SLC4A7: variants seen among roughly 807,000 people sequenced by gnomAD.
The protein encoded by SLC4A7 is solute carrier family 4 member 7.
In SLC4A7, 51 loss-of-function variants were observed where a neutral mutation model predicts 137.6. The ratio of observed to expected loss-of-function variants is 0.37; its 90% CI spans 0.30 to 0.47. SLC4A7 has a LOEUF of 0.47. Among genes scored for constraint, SLC4A7 ranks in the 20% least tolerant of loss-of-function variants. The probability of loss-of-function intolerance (pLI) is 1.00; values close to 1 mark genes in which losing one functional copy is unlikely to be tolerated. For synonymous variants in SLC4A7, 542 were observed against 518.6 expected (o/e 1.05, Z -0.61); for missense variants, 1,247 against 1,525.4 (o/e 0.82, Z 3.04).
chr3:27,380,255 C>T (rs1036038337), intron 24 of SLC4A7, among the ~76,000 whole-genome samples: 5 of 148,342 alleles, frequency 3.4e-5, no homozygotes, highest in Non-Finnish European at 4.4e-5. Context: ...TGTAGTGAGT[C>T]GAGATTGCAC....
At chr3:27,455,629 A>G (rs1576580025) in intron 1 of SLC4A7, among the ~76,000 whole-genome samples, 1 of 135,498 alleles carries the variant, frequency 7.4e-6, no homozygotes, top group Non-Finnish European at 1.5e-5. Flanking sequence ...GCTGGAGTGC[A>G]GTCTTTGGGA....
At chr3:27,483,920 C>T (rs1243638659) in intron 1 of SLC4A7, 147 bp downstream of exon 1, 3 of 372,100 alleles carry the variant, frequency 8.1e-6, no homozygotes, top group Non-Finnish European at 1.2e-5. Flanking sequence ...AAGGGGATGG[C>T]GAGGCGCGCC....
intron 1 of SLC4A7, among the ~76,000 whole-genome samples, chr3:27,461,895 G>C (rs970116300): frequency 6.6e-6 from 1 of 151,986 alleles, no homozygotes; most frequent in Non-Finnish European, 1.5e-5. Flanking sequence ...CTGGGAGGCA[G>C]AGACTGTAGT....
At chr3:27,405,130 T>A (rs1357038666) in intron 13 of SLC4A7, among the ~76,000 whole-genome samples, 167 bp from the exon 14 acceptor site, 1 of 152,170 alleles carries the variant, frequency 6.6e-6, no homozygotes, top group Non-Finnish European at 1.5e-5. Flanking sequence ...ACAAATACAT[T>A]TTAAATACAC....
chr3:27,373,906 C>T lies in SLC4A7; in HGVS notation c.*2858G>A, dbSNP rs1319356371. 3 of 152,474 alleles carry T rather than the reference C, an allele frequency of 2.0e-5. No individual in the cohort carries two copies. Among genetic ancestry groups the T allele is most frequent in the Non-Finnish European group, 4.4e-5 (3 of 67,916 alleles). 9.4% of individuals were successfully genotyped at this position (152,474 alleles called of 1,614,324 possible). Reference sequence around the variant, plus strand: ...CTTGGCAAATATGAACAATGGGATGCCACAGCTTTTTAAAACAACTTTTAA... The same window carrying T: ...CTTGGCAAATATGAACAATGGGATGTCACAGCTTTTTAAAACAACTTTTAA... On this transcript the variant is annotated 3_prime_UTR_variant, in exon 26 of 26. Transcript: ENST00000454389.
At chr3:27,381,580 G>A (rs971551388) in intron 24 of SLC4A7, among the ~76,000 whole-genome samples, 1 of 152,008 alleles carries the variant, frequency 6.6e-6, no homozygotes, top group East Asian at 1.9e-4. Flanking sequence ...AAAACGTATA[G>A]AGCAAAATTA....
chr3:27,415,065 T>C (rs2054254282), intron 11 of SLC4A7, among the ~76,000 whole-genome samples: 3 of 152,214 alleles, frequency 2.0e-5, no homozygotes. Context: ...ATTAATAATC[T>C]TTTCTACATA....
chr3:27,476,982 C>T (rs1435561964), intron 1 of SLC4A7, among the ~76,000 whole-genome samples: 1 of 152,198 alleles, frequency 6.6e-6, no homozygotes, highest in Non-Finnish European at 1.5e-5. Context: ...TATCCCCAGC[C>T]ATCAGGGAAT....
intron 7 of SLC4A7, among the ~76,000 whole-genome samples, chr3:27,430,866 T>C (rs2056202204): frequency 1.3e-5 from 2 of 152,008 alleles, no homozygotes; most frequent in Non-Finnish European, 2.9e-5. Flanking sequence ...ATAAAATAAG[T>C]TCATGGCAAA....
chr3:27,473,012 G>A (rs375796073), intron 1 of SLC4A7, among the ~76,000 whole-genome samples: 2 of 152,006 alleles, frequency 1.3e-5, no homozygotes, highest in South Asian at 2.1e-4. Context: ...TCTGGGAGTC[G>A]GAGGTTGCAG....
chr3:27,401,086 G>A (rs1331473190), intron 15 of SLC4A7: 1 of 368,540 alleles, frequency 2.7e-6, no homozygotes. Context: ...AAAACGTTTA[G>A]TTAATGAAGC....
chr3:27,452,992 A>C (rs972441044), intron 1 of SLC4A7, among the ~76,000 whole-genome samples: 4 of 152,214 alleles, frequency 2.6e-5, no homozygotes, highest in African/African-American at 9.6e-5. Flanking sequence ...ATTAATCAAG[A>C]GCTAACAAAA....
At chr3:27,480,604 A>G (rs1179217309) in intron 1 of SLC4A7, among the ~76,000 whole-genome samples, 1 of 152,060 alleles carries the variant, frequency 6.6e-6, no homozygotes, top group African/African-American at 2.4e-5. Flanking sequence ...TACTTAGAAT[A>G]AGGCAAAAGG....
intron 1 of SLC4A7, among the ~76,000 whole-genome samples, chr3:27,473,162 G>A (rs2059324124): frequency 6.6e-6 from 1 of 151,988 alleles, no homozygotes; most frequent in African/African-American, 2.4e-5. Context: ...GGCATGGTGT[G>A]TGTGTACGCA....
chr3:27,476,037 G>A (rs964749469), intron 1 of SLC4A7, among the ~76,000 whole-genome samples: 2 of 152,026 alleles, frequency 1.3e-5, no homozygotes, highest in African/African-American at 2.4e-5. Flanking sequence ...TACATATAAC[G>A]GCTGACATCT....
chr3:27,450,444 T>C (rs2057994553), intron 2 of SLC4A7, among the ~76,000 whole-genome samples: 1 of 152,114 alleles, frequency 6.6e-6, no homozygotes, highest in Non-Finnish European at 1.5e-5. Flanking sequence ...GTGAATCTCA[T>C]TTAAAAAGTA....
At chr3:27,396,465 CATTT>C (rs1245481602) in intron 18 of SLC4A7, among the ~76,000 whole-genome samples, 1 of 152,010 alleles carries the variant, frequency 6.6e-6, no homozygotes, top group Non-Finnish European at 1.5e-5. Flanking sequence ...TTCATAGTTT[CATTT>C]ATTTATATAT....
chr3:27,392,669 A>G (rs73149789), intron 20 of SLC4A7, among the ~76,000 whole-genome samples: 2,510 of 151,962 alleles, frequency 0.017, 79 homozygotes, highest in African/African-American at 0.058. Context: ...TCTACCAAAA[A>G]CACAAAAATT....
intron 3 of SLC4A7, among the ~76,000 whole-genome samples, chr3:27,445,949 AAAAAAAAAAAAAAAAT>A (rs1323434370): frequency 5.0e-3 from 237 of 47,208 alleles, no homozygotes; most frequent in Admixed American, 0.02. Context: ...AAAAAAAAAA[AAAAAAAAAAAAAAAAT>A]ATATATATAT....
Sources: allele counts gnomAD v4.1 joint callset (sites outside exome capture counted in the v4.1 genomes callset), GRCh38; gene constraint gnomAD v4.1.1; transcripts MANE v1.5; gene names NCBI Gene and HGNC (gene_info 2026-07-23, HGNC 2026-07-21).